The following MDGA2 variants were observed in gnomAD, a reference collection of about 807,000 sequenced individuals.
The protein encoded by MDGA2 is MAM domain containing glycosylphosphatidylinositol anchor 2.
MDGA2 carries 40 observed loss-of-function variants against 117.8 expected under a neutral mutation model. The observed-to-expected ratio is 0.34, with a 90% CI of 0.26 to 0.44. The LOEUF (loss-of-function observed/expected upper bound fraction) is 0.44, where lower values mean the gene tolerates loss of function less well. MDGA2 is among the 20% of genes least tolerant of loss of function. MDGA2 has a pLI of 1.00. For missense variants in MDGA2, 1,123 were observed against 1,250.6 expected (o/e 0.90, Z 1.54); for synonymous variants, 452 against 439.0 (o/e 1.03, Z -0.37).
At chr14:47,334,769 A>G (rs1890392124) in intron 1 of MDGA2, among the ~76,000 whole-genome samples, 1 of 151,954 alleles carries the variant, frequency 6.6e-6, no homozygotes, top group Non-Finnish European at 1.5e-5. Context: ...GATAATTCAA[A>G]TAGAATAAAA....
chr14:47,018,915 G>A (rs1251674743), intron 8 of MDGA2, among the ~76,000 whole-genome samples: 2 of 151,954 alleles, frequency 1.3e-5, no homozygotes. Context: ...AGCGTACACC[G>A]TCCGTCCTCT....
At chr14:47,076,452 T>G (rs1890495274) in intron 6 of MDGA2, among the ~76,000 whole-genome samples, 1 of 152,088 alleles carries the variant, frequency 6.6e-6, no homozygotes, top group African/African-American at 2.4e-5. Context: ...AATGAAGATG[T>G]ATAAATGGGG....
rs1886312179 is a variant in MDGA2 at position 47,221,764 on chromosome 14, C to G, written c.421-3569G>C. ...TGGTAAAATGATGAGAAAAATAGGG[C>G]AAAGGTAAAAGAAAAATGTATAATT... On this transcript the variant is annotated intron_variant, in intron 2 of 16. Coordinates refer to ENST00000399232, the MANE Select transcript of MDGA2 (RefSeq NM_001113498.3). Among the ~76,000 whole-genome samples the G allele has an allele frequency of 2.0e-5, 3 of 148,960 alleles. No individual in the cohort carries two copies. In the South Asian group the frequency reaches 6.5e-4, roughly 32 times the overall value.
chr14:46,959,102 T>C (rs1026210328), intron 8 of MDGA2, among the ~76,000 whole-genome samples: 5 of 152,166 alleles, frequency 3.3e-5, no homozygotes, highest in African/African-American at 7.2e-5. Context: ...TTTAAAAAAT[T>C]CTCCTTGTAG....
rs1880567270 is a variant in MDGA2, at chr14:46,840,575, GCA to G, written c.*1354_*1355del. 2.0e-5 allele frequency: 3 copies of G among 152,366 alleles called. No individual in the cohort carries two copies. Among genetic ancestry groups the G allele is most frequent in the Admixed American group, 6.6e-5 (1 of 15,236 alleles). 9.4% of individuals were successfully genotyped at this position (152,366 alleles called of 1,614,324 possible). ...ATAATAAAATAATATTTCACAATTT[GCA>G]CAGAGTCTGACTAAAGGGCAGAGGC... On this transcript the variant is annotated 3_prime_UTR_variant, in exon 17 of 17. Coordinates refer to ENST00000399232, the MANE Select transcript of MDGA2 (RefSeq NM_001113498.3).
At chr14:46,993,291 T>G (rs1409829000) in intron 8 of MDGA2, among the ~76,000 whole-genome samples, 1 of 152,148 alleles carries the variant, frequency 6.6e-6, no homozygotes, top group East Asian at 1.9e-4. Context: ...TCTATCAACA[T>G]TTTACTTCCA....
intron 5 of MDGA2, among the ~76,000 whole-genome samples, chr14:47,102,366 AACAC>A (rs3039394): frequency 0.7 from 103,428 of 148,206 alleles, 36,214 homozygotes; most frequent in East Asian, 0.87. Context: ...AGGAAGGAGA[AACAC>A]ACACACACAC....
chr14:47,606,914 T>C (rs916110894), intron 1 of MDGA2, among the ~76,000 whole-genome samples: 1 of 152,144 alleles, frequency 6.6e-6, no homozygotes, highest in African/African-American at 2.4e-5. Flanking sequence ...ATGTCCTGTA[T>C]AGGTAAAAGT....
intron 1 of MDGA2, among the ~76,000 whole-genome samples, chr14:47,580,560 A>G (rs1421029463): frequency 6.6e-6 from 1 of 152,018 alleles, no homozygotes; most frequent in Non-Finnish European, 1.5e-5. Flanking sequence ...CTATCAACAG[A>G]AGATCTGAGA....
At chr14:47,342,000 C>T (rs934656237) in intron 1 of MDGA2, among the ~76,000 whole-genome samples, 1 of 151,852 alleles carries the variant, frequency 6.6e-6, no homozygotes, top group East Asian at 1.9e-4. Flanking sequence ...CCACCAGGCC[C>T]GGATAATTTT....
At chr14:47,072,292 C>T (rs1890320881) in intron 6 of MDGA2, among the ~76,000 whole-genome samples, 1 of 151,998 alleles carries the variant, frequency 6.6e-6, no homozygotes. Flanking sequence ...TTATATTGTA[C>T]CTATACACAG....
chr14:47,249,166 C>T (rs1196844904), intron 2 of MDGA2, among the ~76,000 whole-genome samples: 2 of 151,790 alleles, frequency 1.3e-5, no homozygotes, highest in Non-Finnish European at 2.9e-5. Flanking sequence ...TACAGGCACG[C>T]ACCACCATGC....
intron 1 of MDGA2, among the ~76,000 whole-genome samples, chr14:47,390,889 TC>T (rs1355054484): frequency 1.3e-5 from 2 of 152,164 alleles, no homozygotes; most frequent in African/African-American, 4.8e-5. Context: ...TTGGCTGAAT[TC>T]TTTTCCTACC....
chr14:47,038,899 A>G (rs560351098), intron 7 of MDGA2, among the ~76,000 whole-genome samples: 49 of 151,760 alleles, frequency 3.2e-4, no homozygotes, highest in African/African-American at 1.1e-3. Context: ...GCAGTGAGCC[A>G]AGATCATACC....
chr14:47,246,634 G>A (rs1887246916), intron 2 of MDGA2, among the ~76,000 whole-genome samples: 4 of 151,366 alleles, frequency 2.6e-5, no homozygotes, highest in African/African-American at 2.4e-5. Context: ...ACTTTCCCCA[G>A]GAATGAAGAC....
intron 1 of MDGA2, among the ~76,000 whole-genome samples, chr14:47,542,956 T>C (rs1211373293): frequency 6.6e-6 from 1 of 152,290 alleles, no homozygotes; most frequent in East Asian, 1.9e-4. Flanking sequence ...ACACCTGTAG[T>C]TCCAACACTT....
At chr14:47,047,224 A>C (rs546758607) in intron 7 of MDGA2, among the ~76,000 whole-genome samples, 21 of 152,172 alleles carry the variant, frequency 1.4e-4, no homozygotes, top group Admixed American at 1.2e-3. Flanking sequence ...ATAACCATGG[A>C]GAGTTTGGAA....
intron 8 of MDGA2, among the ~76,000 whole-genome samples, chr14:46,977,208 A>T (rs1362197401): frequency 6.6e-6 from 1 of 151,858 alleles, no homozygotes; most frequent in African/African-American, 2.4e-5. Context: ...CATATCAGAA[A>T]AAAAGCCGAT....
At chr14:47,485,177 A>G (rs1469581520) in intron 1 of MDGA2, among the ~76,000 whole-genome samples, 1 of 152,146 alleles carries the variant, frequency 6.6e-6, no homozygotes, top group Admixed American at 6.6e-5. Context: ...TAATGCTGAT[A>G]GTGATATGAA....
Sources: gnomAD v4.1 joint callset for allele counts (sites outside exome capture counted in the v4.1 genomes callset) on GRCh38, gnomAD v4.1.1 for gene constraint, MANE v1.5 for transcripts, NCBI Gene and HGNC (gene_info 2026-07-23, HGNC 2026-07-21) for gene names.